Variants in MCOLN1 observed in about 807,000 individuals in gnomAD.
MCOLN1 encodes the protein mucolipin TRP cation channel 1, also known as mucolipin-1.
A neutral mutation model predicts 70.3 loss-of-function variants in MCOLN1; 50 were observed. The ratio of observed to expected loss-of-function variants is 0.71; its 90% confidence interval spans 0.57 to 0.90. The LOEUF (loss-of-function observed/expected upper bound fraction) is 0.90, where lower values mean the gene tolerates loss of function less well. Ranked by LOEUF, MCOLN1 falls within the 40% of genes least tolerant of loss-of-function variation. MCOLN1 has a pLI of 0.00. For synonymous variants in MCOLN1, 366 were observed against 341.0 expected (o/e 1.07, Z -0.81); for missense variants, 598 against 803.5 (o/e 0.74, Z 3.09).
At position 7,526,541 on chromosome 19, in the gene MCOLN1, G is replaced by A; in HGVS notation, c.340G>A (p.Asp114Asn). The change falls in exon 3 of 14, where the codon GAT (aspartate) becomes AAT (asparagine). Residue 114 changes from aspartate (D) to asparagine (N), a missense_variant. By Grantham distance (23) the Asp-to-Asn change is conservative. This residue lies in a region of MCOLN1 where 461 missense variants were observed against 588.4 expected (regional missense o/e 0.78). Coordinates refer to ENST00000264079, the MANE Select transcript of MCOLN1 (RefSeq NM_020533.3). The surrounding 1 kb of genome is among the most constrained non-coding windows in gnomAD (Gnocchi z 4.6). The stretch of plus-strand genomic sequence containing the variant: ...CCTGCTGGGCTACTCGGACGGAGCG[G>A]ATGACACCTTCGCAGCCTACACGCG... ...LFLLGYSDGA[D>N]DTFAAYTREQ... The A allele has an allele frequency of 1.2e-6, 2 of 1,614,196 alleles. No individual in the cohort carries two copies. The highest frequency in any genetic ancestry group is 1.7e-6 in the Non-Finnish European group (2 of 1,180,036).
In MCOLN1 at chr19:7,522,705, A is replaced by C. The variant is rs1415464748; in HGVS notation, c.-46A>C. 6 of 1,436,818 alleles carry C rather than the reference A, an allele frequency of 4.2e-6. No individual in the cohort carries two copies. In the African/African-American group the frequency reaches 5.9e-5, roughly 14 times the overall value. The allele number at this position is 1,436,818 out of a possible 1,614,324, so 89.0% of individuals were successfully genotyped here. ...GTGACAGCGGCGGGCGATCGGACCC[A>C]GGCTGCCCCGCCGTACCCGCCTGCG... On this transcript the variant is annotated 5_prime_UTR_variant, in exon 1 of 14. Transcript: ENST00000264079.
chr19:7,532,818 T>C (rs534167473), intron 12 of MCOLN1, among the ~76,000 whole-genome samples: 1 of 152,346 alleles, frequency 6.6e-6, no homozygotes, highest in Non-Finnish European at 1.5e-5. Context: ...CAAAAGCCAG[T>C]GTGGCTGGTG....
rs60956953 is a variant in MCOLN1 at position 7,533,571 on chromosome 19, G to A, written c.1624G>A (p.Ala542Thr). The change falls in exon 13 of 14, where the codon GCA becomes ACA. Residue 542 changes from alanine (A) to threonine (T), a missense_variant. Around this residue, in one of 3 missense-constraint regions of MCOLN1, gnomAD observed 59 missense variants for 58.8 expected, o/e 1.00. Coordinates refer to ENST00000264079, the MANE Select transcript of MCOLN1 (RefSeq NM_020533.3). ...GGAGAGCGAGCTGCAGGCCTACATCGCACAGTGCCAGGACAGCCCCACCTC... is the reference window on the plus strand; with the variant it reads ...GGAGAGCGAGCTGCAGGCCTACATCACACAGTGCCAGGACAGCCCCACCTC... ...AEESELQAYI[A>T]QCQDSPTSGK... is the part of the protein sequence containing the mutation. 1 of 1,612,630 alleles carries A rather than the reference G, an allele frequency of 6.2e-7. No homozygotes were observed. Among genetic ancestry groups the A allele is most frequent in the Non-Finnish European group, 8.5e-7 (1 of 1,179,956 alleles).
At position 7,526,878 on chromosome 19, in the gene MCOLN1, G is replaced by T; in HGVS notation, c.523G>T (p.Val175Leu). The T allele has an allele frequency of 6.2e-7, 1 of 1,614,154 alleles. No individual in the cohort carries two copies. Among genetic ancestry groups the T allele is most frequent in the South Asian group, 1.1e-5 (1 of 91,082 alleles). Reference protein sequence around the residue: ...LCQRYYHRGHVDPANDTFDID... With the variant: ...LCQRYYHRGHLDPANDTFDID... Reference sequence around the variant, plus strand: ...CCAGCGGTACTACCACCGAGGCCACGTGGACCCGGCCAACGACACATTTGA... The same window carrying T: ...CCAGCGGTACTACCACCGAGGCCACTTGGACCCGGCCAACGACACATTTGA... The change falls in exon 4 of 14, where the codon GTG becomes TTG. Residue 175 changes from valine (V) to leucine (L), a missense_variant. Physicochemically the swap from Val to Leu is conservative, Grantham distance 32. This residue lies in a region of MCOLN1 where 461 missense variants were observed against 588.4 expected (regional missense o/e 0.78). Transcript: ENST00000264079. This position sits in a 1 kb window ranked among gnomAD's most constrained non-coding sequence, Gnocchi z 4.6.
At position 7,533,508 on chromosome 19, in the gene MCOLN1, G is replaced by C. The variant is rs372603871; in HGVS notation, c.1576-15G>C. The C allele has an allele frequency of 2.7e-5, 44 of 1,610,266 alleles. No homozygotes were observed. The highest frequency in any genetic ancestry group is 3.6e-5 in the Non-Finnish European group (42 of 1,179,528). On this transcript the variant is annotated splice_polypyrimidine_tract_variant and intron_variant, in intron 12 of 13. Transcript: ENST00000264079. Reference sequence around the variant, plus strand: ...GAGCCACTTTCAGGCTGAGCCTCCCGGCTTCTCTCCCCAGCATCCCGGCGG... The same window carrying C: ...GAGCCACTTTCAGGCTGAGCCTCCCCGCTTCTCTCCCCAGCATCCCGGCGG...
rs1248197231 is a variant in MCOLN1 at position 7,528,293 on chromosome 19, G to T, written c.877+36G>T. On this transcript the variant is annotated intron_variant, in intron 7 of 13. Transcript: ENST00000264079. This position sits in a 1 kb window ranked among gnomAD's most constrained non-coding sequence, Gnocchi z 4.2. ...GAGCCCCAGACCAGCACTGACCAGG[G>T]GCCCTGGCCTGTCCTGGGATTCCCC... is the stretch of plus-strand genomic sequence containing the variant. 1.3e-6 allele frequency: 2 copies of T among 1,588,564 alleles called. No homozygotes were observed.
Position 7,525,999 on chromosome 19 carries a change from T to A in MCOLN1, c.238-440T>A. The A allele has an allele frequency of 9.7e-6, 2 of 205,590 alleles. No individual in the cohort carries two copies. The highest frequency in any genetic ancestry group is 2.0e-5 in the Non-Finnish European group (2 of 100,158). The allele number at this position is 205,590 out of a possible 1,614,324, so 12.7% of individuals were successfully genotyped here. ...ATTGCTTGAACCCAGGGGGTGGAGG[T>A]TGTAGTGAGCTGAGATCATACCATG... On this transcript the variant is annotated intron_variant, in intron 2 of 13. Coordinates refer to ENST00000264079, the MANE Select transcript of MCOLN1 (RefSeq NM_020533.3). The surrounding 1 kb of genome is among the most constrained non-coding windows in gnomAD (Gnocchi z 4.2).
intron 12 of MCOLN1, among the ~76,000 whole-genome samples, chr19:7,530,738 GTTTA>G (rs1279258088): frequency 6.6e-6 from 1 of 152,180 alleles, no homozygotes; most frequent in Non-Finnish European, 1.5e-5. Context: ...GAGTCATAGA[GTTTA>G]TTTATTTATT....
intron 1 of MCOLN1, among the ~76,000 whole-genome samples, chr19:7,523,680 A>G (rs1013072525): frequency 7.9e-5 from 12 of 152,338 alleles, no homozygotes; most frequent in Admixed American, 4.6e-4. Flanking sequence ...GGCTACTGTG[A>G]CTGGTTTTGA....
At chr19:7,522,824 G>T (rs2146019266) in intron 1 of MCOLN1, 43 bp downstream of exon 1, 2 of 1,312,574 alleles carry the variant, frequency 1.5e-6, no homozygotes, top group East Asian at 6.2e-5. Flanking sequence ...ACTCAGGCGG[G>T]CGGGCTGTGT....
At chr19:7,523,384 A>T (rs1599251179) in intron 1 of MCOLN1, among the ~76,000 whole-genome samples, 1 of 152,128 alleles carries the variant, frequency 6.6e-6, no homozygotes, top group South Asian at 2.1e-4. Context: ...GGGGACCCCT[A>T]CCTGATAGAT....
In MCOLN1 at chr19:7,527,510, C is replaced by G. The variant is rs766357914; in HGVS notation, c.572-10C>G. ...CCCCCTGAGGCCCTTCCCTGACTCC[C>G]TGTCCTTAGACTGCATCCAGGTGGA... On this transcript the variant is annotated splice_polypyrimidine_tract_variant and intron_variant, in intron 4 of 13. Transcript: ENST00000264079. 2 of 1,336,656 alleles carry G rather than the reference C, an allele frequency of 1.5e-6. No individual in the cohort carries two copies. The highest frequency in any genetic ancestry group is 2.3e-5 in the South Asian group (2 of 85,710). 82.8% of individuals were successfully genotyped at this position (1,336,656 alleles called of 1,614,324 possible).
At chr19:7,529,034 A>C in intron 9 of MCOLN1, 64 bp downstream of exon 9, 4 of 1,613,428 alleles carry the variant, frequency 2.5e-6, no homozygotes, top group Non-Finnish European at 3.4e-6. Flanking sequence ...ATCCGGGGCC[A>C]TATCCTCCCC....
intron 12 of MCOLN1, among the ~76,000 whole-genome samples, chr19:7,531,617 C>T (rs2022653800): frequency 6.6e-6 from 1 of 152,122 alleles, no homozygotes; most frequent in African/African-American, 2.4e-5. Context: ...CTGACCCCAG[C>T]CCCCAGCCAT....
At position 7,528,220 on chromosome 19, in the gene MCOLN1, C is replaced by A; in HGVS notation, c.840C>A (p.His280Gln). ...CCATCAGCCTGGAGACCCAGGCCCACATCCAGGAGTGTAAGCACCCCAGTG... is the reference window on the plus strand; with the variant it reads ...CCATCAGCCTGGAGACCCAGGCCCAAATCCAGGAGTGTAAGCACCCCAGTG... ...RIPISLETQA[H>Q]IQECKHPSVF... Residue 280 changes from histidine to glutamine, a missense_variant, in exon 7 of 14, where the codon CAC becomes CAA. Transcript: ENST00000264079. The surrounding 1 kb of genome is among the most constrained non-coding windows in gnomAD (Gnocchi z 4.2). 6.2e-7 allele frequency: 1 copy of A among 1,614,166 alleles called. No individual in the cohort carries two copies. Among genetic ancestry groups the A allele is most frequent in the Non-Finnish European group, 8.5e-7 (1 of 1,180,004 alleles).
Position 7,527,968 on chromosome 19 carries a change from C to CT in MCOLN1, c.777+8_777+9insT, listed in dbSNP as rs780011790. 12 of 1,609,610 alleles carry CT rather than the reference C, an allele frequency of 7.5e-6. No individual in the cohort carries two copies. In the African/African-American group the frequency reaches 1.6e-4, roughly 22 times the overall value. On this transcript the variant is annotated intron_variant, in intron 6 of 13. Coordinates refer to ENST00000264079, the MANE Select transcript of MCOLN1 (RefSeq NM_020533.3). ...TATACCTTCAGCGTCCTGGTGAGGCCCCCCGGGAACCCACAGGGCTCCTGA... is the reference window on the plus strand; with the variant it reads ...TATACCTTCAGCGTCCTGGTGAGGCCTCCCCGGGAACCCACAGGGCTCCTGA...
rs956373738 is a variant in MCOLN1 at position 7,525,526 on chromosome 19, G to T, written c.237+360G>T. ...AGAAGCCGACTCTGAGGCTCAGAGA[G>T]GTTAGGAGACTTGCCCAAAGTCACA... On this transcript the variant is annotated intron_variant, in intron 2 of 13. Transcript: ENST00000264079. This position sits in a 1 kb window ranked among gnomAD's most constrained non-coding sequence, Gnocchi z 4.2. 2.9e-5 allele frequency: 9 copies of T among 307,876 alleles called. No individual in the cohort carries two copies. Among genetic ancestry groups the T allele is most frequent in the Non-Finnish European group, 5.7e-5 (9 of 159,174 alleles). 19.1% of individuals were successfully genotyped at this position (307,876 alleles called of 1,614,324 possible).
At chr19:7,530,940 C>T (rs1460959199) in intron 12 of MCOLN1, among the ~76,000 whole-genome samples, 4 of 152,328 alleles carry the variant, frequency 2.6e-5, no homozygotes, top group East Asian at 3.9e-4. Flanking sequence ...GGCATTTCAC[C>T]GCATTGGTCA....
At chr19:7,533,462 T>C in intron 12 of MCOLN1, 61 bp from the exon 13 acceptor site, 1 of 1,602,204 alleles carries the variant, frequency 6.2e-7, no homozygotes, top group Non-Finnish European at 8.5e-7. Flanking sequence ...GAGGGCGGAC[T>C]TCAAGGGCCT....
Sources: allele counts gnomAD v4.1 joint callset (sites outside exome capture counted in the v4.1 genomes callset), GRCh38; gene constraint gnomAD v4.1.1; regional missense constraint gnomAD v4.1.1; non-coding constraint Gnocchi (gnomAD v3.1); transcripts MANE v1.5; gene names NCBI Gene and HGNC (gene_info 2026-07-23, HGNC 2026-07-21).